Variants in FSTL4 observed in about 807,000 individuals in gnomAD.
FSTL4 encodes follistatin like 4, also known as follistatin-related protein 4.
Under a neutral mutation model 78.2 loss-of-function variants are expected in FSTL4, and 28 were observed. The ratio of observed to expected loss-of-function variants is 0.36; its 90% confidence interval spans 0.27 to 0.49. The LOEUF (loss-of-function observed/expected upper bound fraction) is 0.49, where lower values mean the gene tolerates loss of function less well. Ranked by LOEUF, FSTL4 falls within the 20% of genes least tolerant of loss-of-function variation. FSTL4 has a pLI of 0.98. For missense variants in FSTL4, 922 were observed against 1,084.9 expected (o/e 0.85, Z 2.11); for synonymous variants, 422 against 440.5 (o/e 0.96, Z 0.53).
Position 133,440,939 on chromosome 5 carries a change from G to A in FSTL4, c.161-39953C>T, listed in dbSNP as rs918045594. Among the ~76,000 whole-genome samples the A allele has an allele frequency of 3.3e-5, 5 of 152,150 alleles. No homozygotes were observed. Among genetic ancestry groups the A allele is most frequent in the Admixed American group, 3.3e-4 (5 of 15,288 alleles). ...GGTCAGGGCCAGCCCTGCTCCTGAG[G>A]ATAGTCAGAAAAAGGAAGAAAACAC... is the stretch of plus-strand genomic sequence containing the variant. On this transcript the variant is annotated intron_variant, in intron 3 of 15. Coordinates refer to ENST00000265342, the MANE Select transcript of FSTL4 (RefSeq NM_015082.2). The surrounding 1 kb of genome is among the most constrained non-coding windows in gnomAD (Gnocchi z 4.1).
At chr5:133,651,867 T>C in the FSTL4 span, among the ~76,000 whole-genome samples, 4 of 152,164 alleles carry the variant, frequency 2.6e-5, no homozygotes, top group African/African-American at 9.6e-5. Flanking sequence ...TATATAATTT[T>C]TTCCTTAAAT....
the FSTL4 span, among the ~76,000 whole-genome samples, chr5:133,659,529 T>A: frequency 5.9e-5 from 9 of 151,806 alleles, no homozygotes; most frequent in Non-Finnish European, 4.4e-5. Flanking sequence ...ACTTAGAGAG[T>A]CATTATACTT....
chr5:133,249,941 C>T (rs1287697498), intron 6 of FSTL4, among the ~76,000 whole-genome samples: 1 of 152,210 alleles, frequency 6.6e-6, no homozygotes, highest in Non-Finnish European at 1.5e-5. Context: ...TCACAGCTCC[C>T]CTGGCCTATT....
At chr5:133,278,543 C>A (rs1322807241) in intron 6 of FSTL4, among the ~76,000 whole-genome samples, 4 of 152,180 alleles carry the variant, frequency 2.6e-5, no homozygotes, top group African/African-American at 9.7e-5. Context: ...TTAGTGATGA[C>A]TTTTTCCCTG....
At chr5:133,700,840 C>T in the FSTL4 span, among the ~76,000 whole-genome samples, 1 of 152,196 alleles carries the variant, frequency 6.6e-6, no homozygotes, top group Non-Finnish European at 1.5e-5. Flanking sequence ...CCCAGGTATA[C>T]ATTTAGAAAG....
At position 133,198,875 on chromosome 5, in the gene FSTL4, A is replaced by G. The variant is rs144854772; in HGVS notation, c.*220T>C. ...CCTTTACACAGCAGCATATGTTCTC[A>G]TCGTAGCTCAAGGCATAAATCATAC... is the stretch of plus-strand genomic sequence containing the variant. On this transcript the variant is annotated 3_prime_UTR_variant, in exon 16 of 16. Coordinates refer to ENST00000265342, the MANE Select transcript of FSTL4 (RefSeq NM_015082.2). The G allele has an allele frequency of 4.7e-4, 216 of 458,222 alleles. 1 individual carries two copies. In the East Asian group the frequency reaches 6.4e-3, roughly 13 times the overall value. 28.4% of individuals were successfully genotyped at this position (458,222 alleles called of 1,614,324 possible).
intron 3 of FSTL4, among the ~76,000 whole-genome samples, chr5:133,559,198 C>T (rs992758451): frequency 6.6e-6 from 1 of 152,202 alleles, no homozygotes; most frequent in Non-Finnish European, 1.5e-5. Context: ...ATGATTTTAA[C>T]TCACAGATAA....
the FSTL4 span, among the ~76,000 whole-genome samples, chr5:133,681,266 C>T: frequency 1.3e-5 from 2 of 152,310 alleles, no homozygotes; most frequent in South Asian, 4.1e-4. Context: ...CTCTGAGCTC[C>T]CCCTAAATAA....
the FSTL4 span, among the ~76,000 whole-genome samples, chr5:133,790,250 A>T: frequency 6.6e-6 from 1 of 152,238 alleles, no homozygotes; most frequent in Non-Finnish European, 1.5e-5. Context: ...AGAGTCAGGC[A>T]GACCTATGTG....
the FSTL4 span, among the ~76,000 whole-genome samples, chr5:133,773,577 C>T: frequency 6.6e-6 from 1 of 152,294 alleles, no homozygotes. Context: ...GACCTCTCTC[C>T]CTTGCGTACA....
At chr5:133,701,509 A>ACAC in the FSTL4 span, among the ~76,000 whole-genome samples, 614 of 132,654 alleles carry the variant, frequency 4.6e-3, 8 homozygotes, top group African/African-American at 0.016. Context: ...ACACACACAC[A>ACAC]CCCCACAGGC....
chr5:133,322,231 A>C (rs1384261707), intron 4 of FSTL4, among the ~76,000 whole-genome samples: 1 of 97,006 alleles, frequency 1.0e-5, no homozygotes, highest in Non-Finnish European at 2.1e-5. Flanking sequence ...ACACCCACAC[A>C]CACACACACC....
chr5:133,378,772 G>A (rs1349282180), intron 4 of FSTL4, among the ~76,000 whole-genome samples: 1 of 151,940 alleles, frequency 6.6e-6, no homozygotes, highest in African/African-American at 2.4e-5. Flanking sequence ...CTCCAAAAAT[G>A]TAGGAAAAGT....
chr5:133,789,686 C>T, the FSTL4 span, among the ~76,000 whole-genome samples: 1,511 of 152,284 alleles, frequency 9.9e-3, 26 homozygotes, highest in African/African-American at 0.034. Context: ...TCTCACAGTT[C>T]TGGAGACTGA....
intron 7 of FSTL4, among the ~76,000 whole-genome samples, chr5:133,239,229 C>T (rs1751757206): frequency 7.1e-6 from 1 of 139,920 alleles, no homozygotes; most frequent in African/African-American, 2.5e-5. Context: ...CCTCCCCCAC[C>T]CCCACCCCCC....
At chr5:133,541,559 T>C (rs571132423) in intron 3 of FSTL4, among the ~76,000 whole-genome samples, 2 of 152,212 alleles carry the variant, frequency 1.3e-5, no homozygotes, top group East Asian at 1.9e-4. Flanking sequence ...CAAAGACACA[T>C]TGTAAGAAGA....
At chr5:133,791,275 C>T in the FSTL4 span, among the ~76,000 whole-genome samples, 13,434 of 145,578 alleles carry the variant, frequency 0.092, 666 homozygotes, top group East Asian at 0.18. Context: ...TGCACATGTG[C>T]GTGCACACAC....
chr5:133,226,692 C>T (rs970465395), intron 8 of FSTL4, among the ~76,000 whole-genome samples: 5 of 152,224 alleles, frequency 3.3e-5, no homozygotes, highest in African/African-American at 9.6e-5. Context: ...AAACTAAACA[C>T]ACTGTCCCTG....
At chr5:133,279,871 C>A (rs1172914684) in intron 6 of FSTL4, among the ~76,000 whole-genome samples, 5 of 152,202 alleles carry the variant, frequency 3.3e-5, no homozygotes. Context: ...GGGCTTGAAT[C>A]CGCTTACTGG....
Sources: allele counts gnomAD v4.1 joint callset (sites outside exome capture counted in the v4.1 genomes callset), GRCh38; gene constraint gnomAD v4.1.1; non-coding constraint Gnocchi (gnomAD v3.1); transcripts MANE v1.5; gene names NCBI Gene and HGNC (gene_info 2026-07-23, HGNC 2026-07-21).